The following YPEL1 variants were observed in gnomAD, a reference collection of about 807,000 sequenced individuals.
YPEL1 encodes the protein protein yippee-like 1.
YPEL1 carries 7 observed loss-of-function variants against 17.3 expected under a neutral mutation model. That is an observed-to-expected ratio of 0.40 (90% CI 0.23 to 0.76). The LOEUF is 0.76. YPEL1 is among the 30% of genes least tolerant of loss of function. The pLI is 0.35. For synonymous variants in YPEL1, 59 were observed against 59.6 expected (o/e 0.99, Z 0.05); for missense variants, 91 against 155.5 (o/e 0.59, Z 2.21).
At chr22:21,734,989 A>T (rs1419149659) in intron 1 of YPEL1, among the ~76,000 whole-genome samples, 1 of 152,218 alleles carries the variant, frequency 6.6e-6, no homozygotes, top group African/African-American at 2.4e-5. Context: ...TTATCTGCCT[A>T]AAATAGAATC....
chr22:21,712,114 C>CA (rs1036024899), intron 1 of YPEL1, among the ~76,000 whole-genome samples: 3 of 152,048 alleles, frequency 2.0e-5, no homozygotes, highest in African/African-American at 7.3e-5. Context: ...AGTTGAGGCT[C>CA]AAGTGAGCTG....
At chr22:21,715,209 T>C (rs1326935404) in intron 1 of YPEL1, among the ~76,000 whole-genome samples, 1 of 152,146 alleles carries the variant, frequency 6.6e-6, no homozygotes, top group African/African-American at 2.4e-5. Flanking sequence ...AAAAAAACTA[T>C]TAAGGCTGGG....
intron 1 of YPEL1, among the ~76,000 whole-genome samples, chr22:21,723,535 T>G (rs2068304159): frequency 6.6e-6 from 1 of 151,996 alleles, no homozygotes. Flanking sequence ...ATTCAGCTAA[T>G]TTTTGCATTT....
At chr22:21,716,469 C>A (rs2148606476) in intron 1 of YPEL1, among the ~76,000 whole-genome samples, 1 of 152,408 alleles carries the variant, frequency 6.6e-6, no homozygotes, top group African/African-American at 2.4e-5. Context: ...CCCCATCCAG[C>A]CACCCCGGGC....
In YPEL1 at chr22:21,701,226, A is replaced by C. The variant is rs746844330; in HGVS notation, c.271-8T>G. The C allele has an allele frequency of 2.5e-6, 4 of 1,609,420 alleles. No homozygotes were observed. The highest frequency in any genetic ancestry group is 3.4e-6 in the Non-Finnish European group (4 of 1,176,242). ...GCTCTCAAAGGCATGCTCCTTGAAA[A>C]AGAAGAGACAAAGGTTTCAGGACAG... is the stretch of plus-strand genomic sequence containing the variant. On this transcript the variant is annotated splice_polypyrimidine_tract_variant and splice_region_variant and intron_variant, in intron 4 of 4. Coordinates refer to ENST00000339468, the MANE Select transcript of YPEL1 (RefSeq NM_013313.5).
chr22:21,730,974 G>A (rs976828460), intron 1 of YPEL1, among the ~76,000 whole-genome samples: 42 of 152,138 alleles, frequency 2.8e-4, no homozygotes, highest in African/African-American at 9.4e-4. Flanking sequence ...TGTACTGAGC[G>A]CTTCTTTTCA....
chr22:21,733,571 T>C (rs1392271851), intron 1 of YPEL1, among the ~76,000 whole-genome samples: 6 of 148,622 alleles, frequency 4.0e-5, no homozygotes, highest in Non-Finnish European at 7.5e-5. Context: ...TACAGAAAAA[T>C]CAAAAAATTA....
chr22:21,712,362 A>C (rs895735564), intron 1 of YPEL1, among the ~76,000 whole-genome samples: 1 of 91,334 alleles, frequency 1.1e-5, no homozygotes, highest in African/African-American at 4.9e-5. Context: ...AGTTATTGGA[A>C]TATGTAAAAA....
chr22:21,724,351 AC>A (rs1355785372), intron 1 of YPEL1, among the ~76,000 whole-genome samples: 1 of 152,140 alleles, frequency 6.6e-6, no homozygotes, highest in African/African-American at 2.4e-5. Flanking sequence ...GGCCTGGCCA[AC>A]GTGGTGAAAC....
intron 1 of YPEL1, among the ~76,000 whole-genome samples, chr22:21,712,652 G>C (rs2068181302): frequency 6.6e-6 from 1 of 151,230 alleles, no homozygotes; most frequent in Non-Finnish European, 1.5e-5. Flanking sequence ...CTTGAACCCA[G>C]GAGGCAGCGG....
At chr22:21,731,530 A>C (rs1199759469) in intron 1 of YPEL1, among the ~76,000 whole-genome samples, 3 of 145,958 alleles carry the variant, frequency 2.1e-5, no homozygotes, top group Non-Finnish European at 3.0e-5. Flanking sequence ...TTGGGGCAAG[A>C]GAAGGGGGGA....
intron 1 of YPEL1, among the ~76,000 whole-genome samples, chr22:21,720,371 A>AT (rs569853724): frequency 1.3e-5 from 2 of 151,372 alleles, no homozygotes; most frequent in South Asian, 4.2e-4. Context: ...CGCCTGGCTA[A>AT]TTTTTTTGTT....
intron 1 of YPEL1, among the ~76,000 whole-genome samples, chr22:21,718,152 A>C (rs1337438212): frequency 1.3e-5 from 2 of 150,278 alleles, no homozygotes; most frequent in African/African-American, 2.5e-5. Flanking sequence ...AACAAAAACA[A>C]AACAACAACA....
At chr22:21,710,574 A>G (rs879688979) in intron 2 of YPEL1, 54 bp downstream of exon 2, 35 of 1,388,438 alleles carry the variant, frequency 2.5e-5, no homozygotes, top group Non-Finnish European at 3.4e-5. Context: ...CTATGTAGGT[A>G]CCACAATGAC....
chr22:21,718,317 T>C (rs1348481636), intron 1 of YPEL1, among the ~76,000 whole-genome samples: 1 of 151,244 alleles, frequency 6.6e-6, no homozygotes, highest in Admixed American at 6.6e-5. Flanking sequence ...CAAAAAAAAT[T>C]AGTGGGGCGT....
Position 21,703,349 on chromosome 22 carries a change from G to C in YPEL1, c.270+21C>G. The C allele has an allele frequency of 6.2e-7, 1 of 1,606,760 alleles. No individual in the cohort carries two copies. The highest frequency in any genetic ancestry group is 8.5e-7 in the Non-Finnish European group (1 of 1,174,696). ...AGTGCCACATCCCCTTGTGGCACGA[G>C]CATCCCCTTGTGGCACTCACGTATT... On this transcript the variant is annotated intron_variant, in intron 4 of 4. Transcript: ENST00000339468. This position sits in a 1 kb window ranked among gnomAD's most constrained non-coding sequence, Gnocchi z 6.1.
intron 1 of YPEL1, among the ~76,000 whole-genome samples, chr22:21,728,374 T>C (rs1347127008): frequency 3.3e-5 from 5 of 152,082 alleles, no homozygotes; most frequent in Non-Finnish European, 5.9e-5. Flanking sequence ...GGACAACGGA[T>C]AAAACCACCA....
intron 1 of YPEL1, among the ~76,000 whole-genome samples, chr22:21,716,058 G>A: frequency 6.6e-6 from 1 of 151,986 alleles, no homozygotes; most frequent in Non-Finnish European, 1.5e-5. Context: ...CACTGCGCCT[G>A]GCCCTACACC....
chr22:21,720,830 T>TTTTA (rs2068274726), intron 1 of YPEL1, among the ~76,000 whole-genome samples: 3 of 143,064 alleles, frequency 2.1e-5, no homozygotes, highest in African/African-American at 7.6e-5. Flanking sequence ...TTTTTTTTTT[T>TTTTA]GAGAGTCTTG....
Sources: allele counts gnomAD v4.1 joint callset (sites outside exome capture counted in the v4.1 genomes callset), GRCh38; gene constraint gnomAD v4.1.1; non-coding constraint Gnocchi (gnomAD v3.1); transcripts MANE v1.5; gene names NCBI Gene and HGNC (gene_info 2026-07-23, HGNC 2026-07-21).